The following DCBLD2 variants were observed in gnomAD, a reference collection of about 807,000 sequenced individuals.
DCBLD2 encodes discoidin, CUB and LCCL domain-containing protein 2.
In DCBLD2, 54 loss-of-function variants were observed where a neutral mutation model predicts 86.8. The observed-to-expected ratio is 0.62, with a 90% confidence interval of 0.50 to 0.78. DCBLD2 has a LOEUF of 0.78. Among genes scored for constraint, DCBLD2 ranks in the 30% least tolerant of loss-of-function variants. DCBLD2 has a pLI of 0.00. For synonymous variants in DCBLD2, 354 were observed against 341.3 expected (o/e 1.04, Z -0.41); for missense variants, 908 against 954.2 (o/e 0.95, Z 0.64).
chr3:98,810,005 T>C (rs1276055127), intron 12 of DCBLD2, among the ~76,000 whole-genome samples: 1 of 152,158 alleles, frequency 6.6e-6, no homozygotes, highest in African/African-American at 2.4e-5. Flanking sequence ...TAAATTTATA[T>C]ACTACCATCC....
chr3:98,822,815 T>C, intron 4 of DCBLD2, 74 bp from the exon 5 acceptor site: 1 of 1,294,272 alleles, frequency 7.7e-7, no homozygotes, highest in Non-Finnish European at 1.1e-6. Context: ...CCCAAAAATA[T>C]CACAGACACA....
intron 4 of DCBLD2, among the ~76,000 whole-genome samples, chr3:98,823,904 A>G (rs1327857019): frequency 6.6e-6 from 1 of 151,924 alleles, no homozygotes; most frequent in African/African-American, 2.4e-5. Context: ...CCAGTCAGGG[A>G]ATGGGGGTGG....
chr3:98,805,665 C>T (rs1226872365), intron 13 of DCBLD2, among the ~76,000 whole-genome samples: 3 of 152,174 alleles, frequency 2.0e-5, no homozygotes, highest in South Asian at 2.1e-4. Flanking sequence ...ATTTCAACTA[C>T]GTTCCTAACA....
At chr3:98,865,390 C>G (rs1398180174) in intron 2 of DCBLD2, among the ~76,000 whole-genome samples, 1 of 151,920 alleles carries the variant, frequency 6.6e-6, no homozygotes, top group Non-Finnish European at 1.5e-5. Flanking sequence ...CTACATGATC[C>G]CACTCACATG....
At chr3:98,825,461 A>G in intron 3 of DCBLD2, 95 bp from the exon 4 acceptor site, 1 of 929,054 alleles carries the variant, frequency 1.1e-6, no homozygotes, top group Non-Finnish European at 1.6e-6. Flanking sequence ...GTACTACTCT[A>G]ATTTTCAAAA....
At chr3:98,876,167 T>C (rs1051931655) in intron 2 of DCBLD2, among the ~76,000 whole-genome samples, 1 of 151,816 alleles carries the variant, frequency 6.6e-6, no homozygotes, top group Non-Finnish European at 1.5e-5. Flanking sequence ...ACTATTATGT[T>C]TATAGACTAA....
intron 10 of DCBLD2, 77 bp downstream of exon 10, chr3:98,812,255 A>G: frequency 6.5e-7 from 1 of 1,530,592 alleles, no homozygotes; most frequent in Non-Finnish European, 8.9e-7. Context: ...ATTATTAATT[A>G]CTCTCTCTGA....
At chr3:98,816,588 A>AT (rs1942027475) in intron 9 of DCBLD2, among the ~76,000 whole-genome samples, 1 of 152,180 alleles carries the variant, frequency 6.6e-6, no homozygotes, top group African/African-American at 2.4e-5. Context: ...AGAAGAGAAG[A>AT]AAGAGGCCTT....
intron 3 of DCBLD2, among the ~76,000 whole-genome samples, chr3:98,839,169 T>TTCTC: frequency 1.7e-5 from 1 of 58,466 alleles, no homozygotes; most frequent in Non-Finnish European, 3.6e-5. Flanking sequence ...CTTTCTTTCT[T>TTCTC]TCCTTTCTTT....
At chr3:98,839,435 C>T (rs1376525031) in intron 3 of DCBLD2, among the ~76,000 whole-genome samples, 1 of 152,036 alleles carries the variant, frequency 6.6e-6, no homozygotes, top group East Asian at 1.9e-4. Context: ...CCTTGGCCAA[C>T]CCCCCTGAAT....
intron 3 of DCBLD2, among the ~76,000 whole-genome samples, chr3:98,830,361 T>C (rs181396797): frequency 9.8e-5 from 15 of 152,342 alleles, no homozygotes; most frequent in African/African-American, 3.6e-4. Flanking sequence ...AGGGTTTTTA[T>C]AGTTTTGAGA....
intron 4 of DCBLD2, among the ~76,000 whole-genome samples, chr3:98,824,275 T>C (rs1576164792): frequency 6.6e-6 from 1 of 151,670 alleles, no homozygotes; most frequent in Non-Finnish European, 1.5e-5. Flanking sequence ...AGAAAAGAGA[T>C]AGCAAGGAAT....
In DCBLD2 at chr3:98,817,808, T is replaced by C. The variant is rs116350450; in HGVS notation, c.1173A>G (p.Lys391=). The C allele has an allele frequency of 2.6e-3, 4,205 of 1,613,730 alleles. 99 individuals carry two copies. The African/African-American group carries it at 0.051, about 20-fold the overall frequency. Reference sequence around the variant, plus strand: ...CACCAGGCTCTCTGTACACAGTCCATTTCTGCCCATCATCACTGTACAGGA... The same window carrying C: ...CACCAGGCTCTCTGTACACAGTCCACTTCTGCCCATCATCACTGTACAGGA... The part of the protein sequence containing the change: ...YRILYSDDGQ[K]WTVYREPGVE... Residue 391 remains lysine (K), a synonymous_variant, in exon 9 of 16, where the codon AAA becomes AAG. Transcript: ENST00000326840.
At chr3:98,888,534 TAA>T (rs1943599349) in intron 1 of DCBLD2, among the ~76,000 whole-genome samples, 1 of 152,010 alleles carries the variant, frequency 6.6e-6, no homozygotes, top group South Asian at 2.1e-4. Context: ...CTACCAAGGT[TAA>T]GATTTAAACG....
chr3:98,833,009 T>C (rs1351164975), intron 3 of DCBLD2, among the ~76,000 whole-genome samples: 2 of 152,244 alleles, frequency 1.3e-5, no homozygotes, highest in African/African-American at 4.8e-5. Context: ...ATAGATGATA[T>C]CCTGAAATAT....
chr3:98,835,076 G>A (rs1181088715), intron 3 of DCBLD2, among the ~76,000 whole-genome samples: 4 of 144,656 alleles, frequency 2.8e-5, no homozygotes, highest in South Asian at 2.4e-4. Flanking sequence ...AGGTTCAGGC[G>A]ATTCTCCTGC....
intron 3 of DCBLD2, among the ~76,000 whole-genome samples, chr3:98,834,769 A>G (rs546782691): frequency 1.3e-5 from 2 of 152,342 alleles, no homozygotes; most frequent in East Asian, 3.9e-4. Context: ...GGGAGTGCAG[A>G]TATCTTTTCC....
chr3:98,797,741 G>A lies in DCBLD2; in HGVS notation c.*1631C>T, dbSNP rs1941640107. 1.3e-5 allele frequency: 2 copies of A among 152,168 alleles called. No individual in the cohort carries two copies. Among genetic ancestry groups the A allele is most frequent in the African/African-American group, 2.4e-5 (1 of 41,430 alleles). 9.4% of individuals were successfully genotyped at this position (152,168 alleles called of 1,614,324 possible). On this transcript the variant is annotated 3_prime_UTR_variant, in exon 16 of 16. Coordinates refer to ENST00000326840, the MANE Select transcript of DCBLD2 (RefSeq NM_080927.4). Reference sequence around the variant, plus strand: ...TAAACAGTTCTCTTTCTGAAGCGATGTTTTAGAATACTGATATAATTCATG... The same window carrying A: ...TAAACAGTTCTCTTTCTGAAGCGATATTTTAGAATACTGATATAATTCATG...
At chr3:98,809,388 T>C (rs1941895451) in intron 12 of DCBLD2, among the ~76,000 whole-genome samples, 2 of 151,976 alleles carry the variant, frequency 1.3e-5, no homozygotes, top group Non-Finnish European at 1.5e-5. Context: ...AGGCTGAAGA[T>C]ACAGGAGGGG....
Sources: gnomAD v4.1 joint callset for allele counts (sites outside exome capture counted in the v4.1 genomes callset) on GRCh38, gnomAD v4.1.1 for gene constraint, MANE v1.5 for transcripts, NCBI Gene and HGNC (gene_info 2026-07-23, HGNC 2026-07-21) for gene names.